Variants in LRRTM4 observed in about 807,000 individuals in gnomAD.
LRRTM4 encodes the protein leucine-rich repeat transmembrane neuronal protein 4.
LRRTM4 carries 25 observed loss-of-function variants against 47.6 expected under a neutral mutation model. The ratio of observed to expected loss-of-function variants is 0.53; its 90% confidence interval spans 0.38 to 0.73. The LOEUF is 0.73. Among genes scored for constraint, LRRTM4 ranks in the 30% least tolerant of loss-of-function variants. The pLI is 0.00. For synonymous variants in LRRTM4, 311 were observed against 269.5 expected (o/e 1.15, Z -1.51); for missense variants, 638 against 713.4 (o/e 0.89, Z 1.20).
intron 3 of LRRTM4, among the ~76,000 whole-genome samples, chr2:77,486,938 C>T (rs532280126): frequency 1.6e-4 from 25 of 152,162 alleles, no homozygotes; most frequent in Admixed American, 9.2e-4. Context: ...CAGAAAAAAA[C>T]GCAAAATTCA....
chr2:77,169,834 C>T (rs1187692827), intron 3 of LRRTM4, among the ~76,000 whole-genome samples: 1 of 151,060 alleles, frequency 6.6e-6, no homozygotes, highest in East Asian at 2.0e-4. Context: ...AAGACATTTC[C>T]CATACTTTTT....
At chr2:77,210,596 G>C (rs1423185709) in intron 3 of LRRTM4, among the ~76,000 whole-genome samples, 1 of 151,822 alleles carries the variant, frequency 6.6e-6, no homozygotes, top group Non-Finnish European at 1.5e-5. Flanking sequence ...ACCTGTCTCT[G>C]TTGCCATCAC....
chr2:77,104,220 A>T (rs1278243989), intron 3 of LRRTM4, among the ~76,000 whole-genome samples: 1 of 152,088 alleles, frequency 6.6e-6, no homozygotes, highest in African/African-American at 2.4e-5. Flanking sequence ...AGTCTGTGTC[A>T]TCTTCAGTCT....
chr2:77,139,592 ACTC>A (rs1227195045), intron 3 of LRRTM4, among the ~76,000 whole-genome samples: 1 of 152,030 alleles, frequency 6.6e-6, no homozygotes, highest in East Asian at 1.9e-4. Flanking sequence ...CTCTCTCACT[ACTC>A]CTATTCAACA....
chr2:77,098,827 T>C (rs1018612305), intron 3 of LRRTM4, among the ~76,000 whole-genome samples: 3 of 151,602 alleles, frequency 2.0e-5, no homozygotes, highest in East Asian at 1.9e-4. Flanking sequence ...TCAAAAGATA[T>C]GAAAAGACAA....
intron 3 of LRRTM4, among the ~76,000 whole-genome samples, chr2:76,900,121 T>C (rs1023247089): frequency 6.6e-6 from 1 of 152,050 alleles, no homozygotes; most frequent in Non-Finnish European, 1.5e-5. Context: ...TAGTCCCAGC[T>C]GCTTGGGAGG....
intron 3 of LRRTM4, among the ~76,000 whole-genome samples, chr2:77,286,396 AATT>A (rs1392066788): frequency 6.6e-6 from 1 of 152,004 alleles, no homozygotes; most frequent in Non-Finnish European, 1.5e-5. Flanking sequence ...AAAAATTGAT[AATT>A]ATTAATAATC....
At chr2:76,903,567 C>T (rs896157934) in intron 3 of LRRTM4, among the ~76,000 whole-genome samples, 1 of 151,904 alleles carries the variant, frequency 6.6e-6, no homozygotes, top group African/African-American at 2.4e-5. Context: ...GAAGAACAAA[C>T]AAAACAACAA....
intron 3 of LRRTM4, among the ~76,000 whole-genome samples, chr2:77,511,499 C>G (rs1377048681): frequency 6.6e-6 from 1 of 151,400 alleles, no homozygotes; most frequent in East Asian, 1.9e-4. Flanking sequence ...AATGCCATAA[C>G]CTTATTGAGT....
At chr2:77,063,016 A>G (rs1364690768) in intron 3 of LRRTM4, among the ~76,000 whole-genome samples, 1 of 146,646 alleles carries the variant, frequency 6.8e-6, no homozygotes, top group African/African-American at 2.5e-5. Flanking sequence ...GTGCAGTGGC[A>G]CGATCTCGGC....
At chr2:77,377,836 G>A (rs1233844477) in intron 3 of LRRTM4, among the ~76,000 whole-genome samples, 2 of 151,640 alleles carry the variant, frequency 1.3e-5, no homozygotes, top group Non-Finnish European at 2.9e-5. Context: ...TTGGTCTGAA[G>A]GTATTTATTT....
At chr2:76,957,052 T>C (rs1222892067) in intron 3 of LRRTM4, among the ~76,000 whole-genome samples, 1 of 151,796 alleles carries the variant, frequency 6.6e-6, no homozygotes, top group African/African-American at 2.4e-5. Flanking sequence ...AAAAATGTGA[T>C]ATATACATAC....
At chr2:77,087,654 A>T (rs557690711) in intron 3 of LRRTM4, among the ~76,000 whole-genome samples, 1 of 152,354 alleles carries the variant, frequency 6.6e-6, no homozygotes, top group South Asian at 2.1e-4. Context: ...AACATAACTG[A>T]AGCCCAACAG....
intron 3 of LRRTM4, among the ~76,000 whole-genome samples, chr2:77,299,168 C>T (rs1434261021): frequency 1.3e-5 from 2 of 151,890 alleles, no homozygotes; most frequent in Non-Finnish European, 2.9e-5. Context: ...CATGGTCCCT[C>T]GCAACAATGC....
chr2:77,221,803 A>G (rs1445246559), intron 3 of LRRTM4, among the ~76,000 whole-genome samples: 3 of 152,194 alleles, frequency 2.0e-5, no homozygotes, highest in Non-Finnish European at 2.9e-5. Flanking sequence ...TCAATGAGAC[A>G]GAAAGTTAAC....
At chr2:76,816,299 C>T (rs999909518) in intron 3 of LRRTM4, among the ~76,000 whole-genome samples, 1 of 152,132 alleles carries the variant, frequency 6.6e-6, no homozygotes. Flanking sequence ...CTAGTGCCCA[C>T]TGGCTGCTTT....
chr2:77,500,439 A>G (rs1013318383), intron 3 of LRRTM4, among the ~76,000 whole-genome samples: 1 of 143,082 alleles, frequency 7.0e-6, no homozygotes, highest in South Asian at 2.3e-4. Flanking sequence ...ACATACAACC[A>G]TACAAACAAA....
chr2:76,948,573 G>C (rs1405011055), intron 3 of LRRTM4, among the ~76,000 whole-genome samples: 1 of 151,604 alleles, frequency 6.6e-6, no homozygotes, highest in Non-Finnish European at 1.5e-5. Flanking sequence ...GATTCTGCAG[G>C]TGTTATATGG....
intron 3 of LRRTM4, among the ~76,000 whole-genome samples, chr2:77,444,517 A>T (rs910662884): frequency 3.3e-5 from 5 of 152,110 alleles, no homozygotes; most frequent in Non-Finnish European, 7.4e-5. Context: ...AAGATAGAAG[A>T]AGATATGGTA....
Sources: gnomAD v4.1 joint callset for allele counts (sites outside exome capture counted in the v4.1 genomes callset) on GRCh38, gnomAD v4.1.1 for gene constraint, MANE v1.5 for transcripts, NCBI Gene and HGNC (gene_info 2026-07-23, HGNC 2026-07-21) for gene names.